Variants in ACVR2B observed in about 807,000 individuals in gnomAD.
ACVR2B encodes activin A receptor type 2B.
Under a neutral mutation model 65.1 loss-of-function variants are expected in ACVR2B, and 18 were observed. The ratio of observed to expected loss-of-function variants is 0.28; its 90% CI spans 0.19 to 0.41. The LOEUF (loss-of-function observed/expected upper bound fraction) is 0.41. Ranked by LOEUF, ACVR2B falls within the 10% of genes least tolerant of loss-of-function variation. The pLI, the probability that ACVR2B is intolerant of heterozygous loss-of-function variation, is 1.00. For synonymous variants in ACVR2B, 298 were observed against 277.7 expected, an observed-to-expected ratio of 1.07 and a Z score of -0.73; for missense variants, 482 against 682.7, an observed-to-expected ratio of 0.71 and a Z score of 3.28.
In ACVR2B at chr3:38,454,310, G is replaced by A; in HGVS notation, c.-13G>A. ...CGCGGGCTCCGGGTGTGCGCGGGGC[G>A]GCGCCGCGGAACATGACGGCGCCCT... is the stretch of plus-strand genomic sequence containing the variant. On this transcript the variant is annotated 5_prime_UTR_variant, in exon 1 of 11. Transcript: ENST00000352511. 7.8e-7 allele frequency: 1 copy of A among 1,282,758 alleles called. No individual in the cohort carries two copies. The highest frequency in any genetic ancestry group is 3.6e-5 in the Admixed American group (1 of 28,162). The allele number at this position is 1,282,758 out of a possible 1,614,324, so 79.5% of individuals were successfully genotyped here.
At chr3:38,455,170 G>C (rs375890706) in intron 1 of ACVR2B, among the ~76,000 whole-genome samples, 14 of 152,254 alleles carry the variant, frequency 9.2e-5, no homozygotes, top group East Asian at 3.9e-4. Context: ...TGTGGGCGCG[G>C]GCGTAAACAA....
chr3:38,482,592 G>A (rs1460331040), intron 10 of ACVR2B, 32 bp downstream of exon 10: 1 of 1,604,328 alleles, frequency 6.2e-7, no homozygotes, highest in Non-Finnish European at 8.5e-7. Flanking sequence ...ACTTTGCAGG[G>A]GGGTGGAGAA....
chr3:38,479,830 C>T lies in ACVR2B; in HGVS notation c.959+4C>T. The T allele has an allele frequency of 1.2e-6, 2 of 1,613,906 alleles. No individual in the cohort carries two copies. The highest frequency in any genetic ancestry group is 1.7e-6 in the Non-Finnish European group (2 of 1,179,926). On this transcript the variant is annotated splice_donor_region_variant and intron_variant, in intron 7 of 10. Coordinates refer to ENST00000352511, the MANE Select transcript of ACVR2B (RefSeq NM_001106.4). ...ACAAGCCGTCTATTGCCCACAGGTA[C>T]CTGGGTCAGCAGGTGCCTTTCCTGC... is the stretch of plus-strand genomic sequence containing the variant.
chr3:38,468,132 A>G (rs888487167), intron 1 of ACVR2B, among the ~76,000 whole-genome samples: 1 of 152,158 alleles, frequency 6.6e-6, no homozygotes, highest in Non-Finnish European at 1.5e-5. Context: ...TGCCCGTGTC[A>G]GCCTCCCAAA....
chr3:38,472,081 C>T lies in ACVR2B; in HGVS notation c.53-5206C>T, dbSNP rs147044597. Among the ~76,000 whole-genome samples, 645 of 152,294 alleles carry T rather than the reference C, an allele frequency of 4.2e-3. 6 individuals carry two copies. Among genetic ancestry groups the T allele is most frequent in the Non-Finnish European group, 3.6e-3 (243 of 68,018 alleles). On this transcript the variant is annotated intron_variant, in intron 1 of 10. Coordinates refer to ENST00000352511, the MANE Select transcript of ACVR2B (RefSeq NM_001106.4). Reference sequence around the variant, plus strand: ...CATGCCGCTCCACAGTGTGCATACACGTGTGTGCATGTGTCAGTGTCTTTA... The same window carrying T: ...CATGCCGCTCCACAGTGTGCATACATGTGTGTGCATGTGTCAGTGTCTTTA...
Position 38,477,103 on chromosome 3 carries a change from G to C in ACVR2B, c.53-184G>C. 1 of 641,536 alleles carries C rather than the reference G, an allele frequency of 1.6e-6. No homozygotes were observed. The highest frequency in any genetic ancestry group is 2.7e-5 in the Admixed American group (1 of 36,476). The allele number at this position is 641,536 out of a possible 1,614,324, so 39.7% of individuals were successfully genotyped here. On this transcript the variant is annotated intron_variant, in intron 1 of 10. Transcript: ENST00000352511. This position sits in a 1 kb window ranked among gnomAD's most constrained non-coding sequence, Gnocchi z 6.7. ...TGGGGGCTGGTGCCAGCTGGCACAC[G>C]TAAATTAAGAGGTGTGGGACGGATG...
In ACVR2B at chr3:38,478,430, T is replaced by C; in HGVS notation, c.578T>C (p.Leu193Pro). The change falls in exon 5 of 11, where the codon CTG (leucine) becomes CCG (proline). Residue 193 changes from leucine (L) to proline (P), a missense_variant. Leu to Pro is a moderately conservative substitution (Grantham distance 98). Around this residue, in one of 5 missense-constraint regions of ACVR2B, gnomAD observed 95 missense variants for 91.6 expected, o/e 1.04. Transcript: ENST00000352511. ...GTGGGCCTGAAGCCACTGCAGCTGC[T>C]GGAGATCAAGGCTCGGGGGCGCTTT... is the stretch of plus-strand genomic sequence containing the variant. ...PLVGLKPLQL[L>P]EIKARGRFGC... 1 of 1,614,076 alleles carries C rather than the reference T, an allele frequency of 6.2e-7. No individual in the cohort carries two copies. Among genetic ancestry groups the C allele is most frequent in the Non-Finnish European group, 8.5e-7 (1 of 1,179,996 alleles).
rs949854710 is a variant in ACVR2B at position 38,489,581 on chromosome 3, A to G, written c.*6249A>G. 7 of 152,610 alleles carry G rather than the reference A, an allele frequency of 4.6e-5. No individual in the cohort carries two copies. The highest frequency in any genetic ancestry group is 1.4e-4 in the African/African-American group (6 of 41,422). The allele number at this position is 152,610 out of a possible 1,614,324, so 9.5% of individuals were successfully genotyped here. A position where few individuals can be genotyped will look rare whatever the true frequency, so the allele number is the denominator to read the frequency against. ...GGATTGGGAGGAGAGAGGGCCTGCAATGTGTTTTACATTGGTGCTTCCTCC... is the reference window on the plus strand; with the variant it reads ...GGATTGGGAGGAGAGAGGGCCTGCAGTGTGTTTTACATTGGTGCTTCCTCC... On this transcript the variant is annotated 3_prime_UTR_variant, in exon 11 of 11. Coordinates refer to ENST00000352511, the MANE Select transcript of ACVR2B (RefSeq NM_001106.4).
chr3:38,455,137 C>T (rs1247568797), intron 1 of ACVR2B, among the ~76,000 whole-genome samples: 1 of 152,178 alleles, frequency 6.6e-6, no homozygotes, highest in African/African-American at 2.4e-5. Context: ...GGTGTTCGGC[C>T]AGCGCATGTG....
rs995422227 is a variant in ACVR2B, at chr3:38,491,268, A to G, written c.*7936A>G. ...CTGAATTTTTGTCTCTGGGGCATAG[A>G]TGGCAGACCAAGATTAAAAGTGGTA... On this transcript the variant is annotated 3_prime_UTR_variant, in exon 11 of 11. Transcript: ENST00000352511. 6.6e-6 allele frequency: 1 copy of G among 152,664 alleles called. No homozygotes were observed. The highest frequency in any genetic ancestry group is 2.4e-5 in the African/African-American group (1 of 41,452). The allele number at this position is 152,664 out of a possible 1,614,324, so 9.5% of individuals were successfully genotyped here.
At position 38,489,964 on chromosome 3, in the gene ACVR2B, T is replaced by C. The variant is rs1291661557; in HGVS notation, c.*6632T>C. On this transcript the variant is annotated 3_prime_UTR_variant, in exon 11 of 11. Transcript: ENST00000352511. ...TCTCTGGTCAGTGAGAATGGTTGGG[T>C]TGGCTCGCTGCTTCAATCTGTGGAA... 3.3e-5 allele frequency: 5 copies of C among 152,190 alleles called. No individual in the cohort carries two copies. Among genetic ancestry groups the C allele is most frequent in the African/African-American group, 1.2e-4 (5 of 41,440 alleles). The allele number at this position is 152,190 out of a possible 1,614,324, so 9.4% of individuals were successfully genotyped here. A position where few individuals can be genotyped will look rare whatever the true frequency, so the allele number is the denominator to read the frequency against.
intron 1 of ACVR2B, chr3:38,454,961 G>C (rs987601978): frequency 2.6e-5 from 4 of 152,350 alleles, no homozygotes; most frequent in African/African-American, 7.2e-5. Flanking sequence ...CCGGGATGCG[G>C]AGTGTGGTCG....
At chr3:38,460,405 C>A (rs761361964) in intron 1 of ACVR2B, among the ~76,000 whole-genome samples, 1 of 152,146 alleles carries the variant, frequency 6.6e-6, no homozygotes, top group Non-Finnish European at 1.5e-5. Flanking sequence ...TTACATTGCT[C>A]AGTGATGTCT....
At chr3:38,455,323 T>C (rs928065102) in intron 1 of ACVR2B, among the ~76,000 whole-genome samples, 2 of 152,046 alleles carry the variant, frequency 1.3e-5, no homozygotes, top group Admixed American at 1.3e-4. Flanking sequence ...GAGCTGGGCA[T>C]TGAAGCTCTG....
Position 38,461,873 on chromosome 3 carries a change from G to T in ACVR2B, c.52+7499G>T, listed in dbSNP as rs1298248386. Among the ~76,000 whole-genome samples, 6 of 152,214 alleles carry T rather than the reference G, an allele frequency of 3.9e-5. No individual in the cohort carries two copies. In the South Asian group the frequency reaches 6.2e-4, roughly 16 times the overall value. ...TATTCTTCCAGACATTTTTACTTGT[G>T]CATCTATAGAAATACTTATAGAAAT... On this transcript the variant is annotated intron_variant, in intron 1 of 10. Coordinates refer to ENST00000352511, the MANE Select transcript of ACVR2B (RefSeq NM_001106.4).
In ACVR2B at chr3:38,454,265, G is replaced by T; in HGVS notation, c.-58G>T. ...CGCCGCCTGGCCCTGCGCGCCCCGG[G>T]AGCGCCGTGCGGCCCTGCCCGCGGG... On this transcript the variant is annotated 5_prime_UTR_variant, in exon 1 of 11. Coordinates refer to ENST00000352511, the MANE Select transcript of ACVR2B (RefSeq NM_001106.4). 1 of 1,193,686 alleles carries T rather than the reference G, an allele frequency of 8.4e-7. No homozygotes were observed. Among genetic ancestry groups the T allele is most frequent in the Non-Finnish European group, 1.0e-6 (1 of 962,310 alleles). 73.9% of individuals were successfully genotyped at this position (1,193,686 alleles called of 1,614,324 possible). A position where few individuals can be genotyped will look rare whatever the true frequency, so the allele number is the denominator to read the frequency against.
chr3:38,476,913 G>T lies in ACVR2B; in HGVS notation c.53-374G>T, dbSNP rs1346771562. ...CTTCATCGGTTTCTGCTGCAGCAGGGAAGTAGCCCCCACCCCCACGCAGGA... is the reference window on the plus strand; with the variant it reads ...CTTCATCGGTTTCTGCTGCAGCAGGTAAGTAGCCCCCACCCCCACGCAGGA... On this transcript the variant is annotated intron_variant, in intron 1 of 10. Coordinates refer to ENST00000352511, the MANE Select transcript of ACVR2B (RefSeq NM_001106.4). 1.4e-5 allele frequency: 5 copies of T among 359,638 alleles called. No individual in the cohort carries two copies. In the East Asian group the frequency reaches 2.9e-4, roughly 21 times the overall value. 22.3% of individuals were successfully genotyped at this position (359,638 alleles called of 1,614,324 possible).
At chr3:38,471,509 A>G (rs930774856) in intron 1 of ACVR2B, among the ~76,000 whole-genome samples, 2 of 152,234 alleles carry the variant, frequency 1.3e-5, no homozygotes, top group Non-Finnish European at 2.9e-5. Flanking sequence ...GTGCACACAC[A>G]CACGCACACA....
intron 1 of ACVR2B, among the ~76,000 whole-genome samples, chr3:38,459,127 A>G (rs1709597557): frequency 6.6e-6 from 1 of 152,204 alleles, no homozygotes; most frequent in South Asian, 2.1e-4. Context: ...AAGTAGGGGT[A>G]ACGGCTTTTG....
Sources: gnomAD v4.1 joint callset for allele counts (sites outside exome capture counted in the v4.1 genomes callset) on GRCh38, gnomAD v4.1.1 for gene constraint, gnomAD v4.1.1 regional missense constraint, Gnocchi (gnomAD v3.1) non-coding constraint, MANE v1.5 for transcripts, NCBI Gene and HGNC (gene_info 2026-07-23, HGNC 2026-07-21) for gene names.